The following FDFT1 variants were observed in gnomAD, a reference collection of about 807,000 sequenced individuals.
FDFT1 encodes the protein farnesyl-diphosphate farnesyltransferase 1, also known as squalene synthase.
A neutral mutation model predicts 46.8 loss-of-function variants in FDFT1; 68 were observed. The observed-to-expected ratio is 1.45, with a 90% CI of 1.19 to 1.78. The LOEUF is 1.78. FDFT1 is among the 40% of genes most tolerant of loss of function. The probability of loss-of-function intolerance (pLI) is 0.00; values close to 1 mark genes in which losing one functional copy is unlikely to be tolerated. For missense variants in FDFT1, 928 were observed against 524.4 expected, an observed-to-expected ratio of 1.77 and a Z score of -7.52; for synonymous variants, 351 against 185.1, an observed-to-expected ratio of 1.90 and a Z score of -7.28.
At chr8:11,809,561 G>T (rs1347865854) in intron 2 of FDFT1, 106 bp from the exon 3 acceptor site, 2 of 1,339,410 alleles carry the variant, frequency 1.5e-6, no homozygotes, top group Admixed American at 5.8e-5. Context: ...GTTCTTTAGA[G>T]TTAAGGGTGA....
rs1806319437 is a variant in FDFT1, at chr8:11,802,935, G to A, written c.99+4G>A. Reference sequence around the variant, plus strand: ...GGTGATGCCCAAGATGGACCAGGTGGGCCGAGCCTCCCTGCTTGCCCGGGG... The same window carrying A: ...GGTGATGCCCAAGATGGACCAGGTGAGCCGAGCCTCCCTGCTTGCCCGGGG... On this transcript the variant is annotated splice_donor_region_variant and intron_variant, in intron 1 of 7. Transcript: ENST00000220584. The A allele has an allele frequency of 1.2e-6, 2 of 1,601,408 alleles. No individual in the cohort carries two copies. Among genetic ancestry groups the A allele is most frequent in the Admixed American group, 1.7e-5 (1 of 58,376 alleles).
At chr8:11,808,946 G>T (rs1318297586) in intron 2 of FDFT1, 55 bp downstream of exon 2, 25 of 1,579,144 alleles carry the variant, frequency 1.6e-5, no homozygotes, top group Non-Finnish European at 1.8e-5. Context: ...CGGGACCTTT[G>T]AGTGTGTTGG....
Position 11,838,765 on chromosome 8 carries a change from G to C in FDFT1, c.*156G>C. On this transcript the variant is annotated 3_prime_UTR_variant, in exon 8 of 8. Transcript: ENST00000220584. ...CTTTAGGAAAGTGAAATGCAGGTGA[G>C]AAGAACCTAAACATGAAAGGAAAGG... 1 of 658,224 alleles carries C rather than the reference G, an allele frequency of 1.5e-6. No homozygotes were observed. Among genetic ancestry groups the C allele is most frequent in the Non-Finnish European group, 2.7e-6 (1 of 375,316 alleles). 40.8% of individuals were successfully genotyped at this position (658,224 alleles called of 1,614,324 possible).
chr8:11,807,201 TATC>T (rs1363665090), intron 1 of FDFT1, among the ~76,000 whole-genome samples: 2 of 152,186 alleles, frequency 1.3e-5, no homozygotes, highest in Non-Finnish European at 2.9e-5. Context: ...CAGTGTACAA[TATC>T]ATAGTTCACT....
At chr8:11,830,000 A>T (rs1810550232) in intron 5 of FDFT1, among the ~76,000 whole-genome samples, 1 of 151,972 alleles carries the variant, frequency 6.6e-6, no homozygotes, top group Non-Finnish European at 1.5e-5. Flanking sequence ...GGCGCCTGCC[A>T]CCGTACCCGG....
rs1172214203 is a variant in FDFT1 at position 11,838,588 on chromosome 8, T to C, written c.1233T>C (p.Tyr411=). 4 of 1,614,016 alleles carry C rather than the reference T, an allele frequency of 2.5e-6. No homozygotes were observed. The highest frequency in any genetic ancestry group is 2.2e-5 in the East Asian group (1 of 44,884). The change falls in exon 8 of 8, where the codon TAT becomes TAC. Residue 411 remains tyrosine (Y), a synonymous_variant. Transcript: ENST00000220584. ...LTTLSQVTED[Y]VQTGEH is the part of the protein sequence containing the mutation. ...CTCTCTCCCAGGTAACAGAAGACTA[T>C]GTTCAGACTGGAGAACACTGATCCC...
chr8:11,831,487 T>A (rs759006315), intron 6 of FDFT1, 31 bp from the exon 7 acceptor site: 1 of 1,600,520 alleles, frequency 6.2e-7, no homozygotes. Context: ...CATCATTTCT[T>A]CTTTTTTCCC....
intron 3 of FDFT1, among the ~76,000 whole-genome samples, chr8:11,816,787 T>TCC (rs1808518878): frequency 6.6e-6 from 1 of 152,214 alleles, no homozygotes; most frequent in African/African-American, 2.4e-5. Flanking sequence ...GATGGGGTTT[T>TCC]CTAAATATAC....
chr8:11,813,359 A>G (rs1807998819), intron 3 of FDFT1, among the ~76,000 whole-genome samples: 2 of 152,354 alleles, frequency 1.3e-5, no homozygotes, highest in African/African-American at 4.8e-5. Context: ...TGAGCATTTT[A>G]CTATGAGTTA....
intron 4 of FDFT1, among the ~76,000 whole-genome samples, chr8:11,824,761 A>C (rs528465507): frequency 2.0e-5 from 3 of 152,166 alleles, no homozygotes; most frequent in African/African-American, 7.2e-5. Flanking sequence ...TTTGAGACGG[A>C]GTCTCACTCT....
chr8:11,807,770 G>A (rs1046766272), intron 1 of FDFT1, among the ~76,000 whole-genome samples: 1 of 152,130 alleles, frequency 6.6e-6, no homozygotes, highest in Non-Finnish European at 1.5e-5. Context: ...CATCTTGAAA[G>A]GAATGGCTGG....
At chr8:11,803,398 G>A (rs1215738837) in intron 1 of FDFT1, 11 of 1,289,458 alleles carry the variant, frequency 8.5e-6, no homozygotes, top group Middle Eastern at 2.2e-4. Flanking sequence ...AGCTCTCCCC[G>A]CCTTGCTGCC....
rs1809969097 is a variant in FDFT1 at position 11,826,230 on chromosome 8, G to A, written c.702+15G>A. 1 of 1,488,538 alleles carries A rather than the reference G, an allele frequency of 6.7e-7. No individual in the cohort carries two copies. The highest frequency in any genetic ancestry group is 9.1e-7 in the Non-Finnish European group (1 of 1,102,312). 92.2% of individuals were successfully genotyped at this position (1,488,538 alleles called of 1,614,324 possible). ...GGCCTCAAGAGGTAACAGATTCAGG[G>A]TATTTTGGGGGAAAATAACTTTAGA... On this transcript the variant is annotated intron_variant, in intron 5 of 7. Coordinates refer to ENST00000220584, the MANE Select transcript of FDFT1 (RefSeq NM_004462.5).
At chr8:11,828,090 T>A (rs1025796963) in intron 5 of FDFT1, among the ~76,000 whole-genome samples, 1 of 151,846 alleles carries the variant, frequency 6.6e-6, no homozygotes, top group African/African-American at 2.4e-5. Context: ...TAGGGCCAGC[T>A]ACTTGGGAGG....
At chr8:11,833,238 G>T (rs1372135390) in intron 7 of FDFT1, among the ~76,000 whole-genome samples, 1 of 152,174 alleles carries the variant, frequency 6.6e-6, no homozygotes, top group Non-Finnish European at 1.5e-5. Context: ...TGTGCCTGGG[G>T]TAGTGACCAA....
chr8:11,823,911 T>C (rs1195812684), intron 4 of FDFT1, among the ~76,000 whole-genome samples: 2 of 152,160 alleles, frequency 1.3e-5, no homozygotes, highest in East Asian at 3.9e-4. Context: ...ACCAGGCTAA[T>C]TTTTGTAATT....
In FDFT1 at chr8:11,810,114, T is replaced by C. The variant is rs546916042; in HGVS notation, c.381+264T>C. On this transcript the variant is annotated intron_variant, in intron 3 of 7. Transcript: ENST00000220584. Reference sequence around the variant, plus strand: ...TTCATCTGTAAAATAGGGGTAATAATAACACCTACCTCATGGTATTCTGAG... The same window carrying C: ...TTCATCTGTAAAATAGGGGTAATAACAACACCTACCTCATGGTATTCTGAG... The C allele has an allele frequency of 9.8e-4, 341 of 348,458 alleles. 2 individuals carry two copies. In the East Asian group the frequency reaches 0.015, roughly 15 times the overall value. 21.6% of individuals were successfully genotyped at this position (348,458 alleles called of 1,614,324 possible). A position where few individuals can be genotyped will look rare whatever the true frequency, so the allele number is the denominator to read the frequency against.
chr8:11,832,886 G>T (rs923155535), intron 7 of FDFT1, among the ~76,000 whole-genome samples: 1 of 152,112 alleles, frequency 6.6e-6, no homozygotes, highest in Admixed American at 6.6e-5. Flanking sequence ...CTCTGTTCAT[G>T]GTTTTGTGCA....
Position 11,832,282 on chromosome 8 carries a change from C to T in FDFT1, c.1032+612C>T, listed in dbSNP as rs117364124. Among the ~76,000 whole-genome samples the T allele has an allele frequency of 8.5e-3, 1,288 of 152,160 alleles. 9 individuals carry two copies. The highest frequency in any genetic ancestry group is 0.014 in the Non-Finnish European group (940 of 67,988). On this transcript the variant is annotated intron_variant, in intron 7 of 7. Coordinates refer to ENST00000220584, the MANE Select transcript of FDFT1 (RefSeq NM_004462.5). ...CAAAAAGTTTATTTCTGGCCAGGCA[C>T]AGTAGCTTACTCCTGAAATCCCAGC...
Sources: gnomAD v4.1 joint callset for allele counts (sites outside exome capture counted in the v4.1 genomes callset) on GRCh38, gnomAD v4.1.1 for gene constraint, MANE v1.5 for transcripts, NCBI Gene and HGNC (gene_info 2026-07-23, HGNC 2026-07-21) for gene names.